DDX20: variants seen among roughly 807,000 people sequenced by gnomAD.
The protein encoded by DDX20 is DEAD-box helicase 20, also known as probable ATP-dependent RNA helicase DDX20.
Under a neutral mutation model 76.4 loss-of-function variants are expected in DDX20, and 61 were observed. The observed-to-expected ratio is 0.80, with a 90% CI of 0.65 to 0.99. The LOEUF (loss-of-function observed/expected upper bound fraction) is 0.99. Among genes scored for constraint, DDX20 ranks in the 50% least tolerant of loss-of-function variants. DDX20 has a pLI of 0.00. For synonymous variants in DDX20, 357 were observed against 357.4 expected (o/e 1.00, Z 0.01); for missense variants, 976 against 996.8 (o/e 0.98, Z 0.28).
rs192633992 is a variant in DDX20 at position 111,764,087 on chromosome 1, G to A, written c.1312+1080G>A. 7.0e-4 allele frequency among the ~76,000 whole-genome samples: 107 copies of A among 152,158 alleles called. No individual in the cohort carries two copies. In the East Asian group the frequency reaches 0.013, roughly 18 times the overall value. ...GAGGTCAGGAGATCAAGACCATCCT[G>A]GCTAACACAGTGAAACCCTGTCTCT... On this transcript the variant is annotated intron_variant, in intron 10 of 10. Coordinates refer to ENST00000369702, the MANE Select transcript of DDX20 (RefSeq NM_007204.5).
chr1:111,759,973 CAAAAAAAA>C (rs754870294), intron 3 of DDX20, among the ~76,000 whole-genome samples: 6 of 57,618 alleles, frequency 1.0e-4, no homozygotes, highest in African/African-American at 2.9e-4. Context: ...GACTCCATCT[CAAAAAAAA>C]AAAAAAAAAA....
chr1:111,763,309 C>T (rs1355493029), intron 10 of DDX20, among the ~76,000 whole-genome samples: 6 of 152,186 alleles, frequency 3.9e-5, no homozygotes, highest in African/African-American at 7.2e-5. Context: ...CAGTGGCTCA[C>T]GCCTGTAATC....
intron 9 of DDX20, 54 bp downstream of exon 9, chr1:111,762,836 T>C: frequency 3.9e-6 from 6 of 1,522,922 alleles, no homozygotes; most frequent in Non-Finnish European, 5.4e-6. Context: ...GGATCTATAA[T>C]GTGACAGGTG....
chr1:111,757,862 T>A (rs1385180681), intron 2 of DDX20, among the ~76,000 whole-genome samples: 1 of 150,980 alleles, frequency 6.6e-6, no homozygotes, highest in Non-Finnish European at 1.5e-5. Context: ...TTTCATCAAC[T>A]CATTTTTTTT....
At chr1:111,762,386 C>G in intron 8 of DDX20, 49 bp downstream of exon 8, 2 of 1,385,536 alleles carry the variant, frequency 1.4e-6, no homozygotes, top group Non-Finnish European at 2.0e-6. Flanking sequence ...GACATATGTT[C>G]TATTATCAGA....
At chr1:111,761,322 C>T (rs780089132) in intron 7 of DDX20, 38 bp downstream of exon 7, 18 of 1,572,204 alleles carry the variant, frequency 1.1e-5, no homozygotes, top group South Asian at 1.0e-4. Context: ...ATTTAGTATA[C>T]TGACTTGAAG....
chr1:111,757,595 CT>C (rs1663587793), intron 2 of DDX20, among the ~76,000 whole-genome samples: 2 of 152,292 alleles, frequency 1.3e-5, no homozygotes, highest in South Asian at 4.1e-4. Flanking sequence ...TTATGGCAGA[CT>C]GTATTTCAAG....
rs769569767 is a variant in DDX20 at position 111,766,579 on chromosome 1, A to C, written c.2155A>C (p.Met719Leu). The stretch of plus-strand genomic sequence containing the variant: ...ATATCAAGAATCACCTGGAATCCAG[A>C]TGAAGACAAGACTTAAAGAGGGGGC... ...EKYQESPGIQ[M>L]KTRLKEGASQ... Residue 719 changes from methionine to leucine, a missense_variant, in exon 11 of 11, where the codon ATG becomes CTG. By Grantham distance (15) the Met-to-Leu change is conservative. Transcript: ENST00000369702. 1.9e-6 allele frequency: 3 copies of C among 1,614,208 alleles called. No homozygotes were observed. In the South Asian group the frequency reaches 3.3e-5, roughly 18 times the overall value.
Position 111,756,751 on chromosome 1 carries a change from T to C in DDX20, c.396+11T>C, listed in dbSNP as rs757838689. ...AACTTAAGTACCCAGGTGAGTTAGC[T>C]GAGAGGACCAGAGGAGGATGTGTTT... is the stretch of plus-strand genomic sequence containing the variant. On this transcript the variant is annotated intron_variant, in intron 2 of 10. Transcript: ENST00000369702. The C allele has an allele frequency of 4.4e-6, 7 of 1,605,232 alleles. No individual in the cohort carries two copies. The Admixed American group carries it at 1.2e-4, about 27-fold the overall frequency.
In DDX20 at chr1:111,766,002, CAT is replaced by C. The variant is rs772596538; in HGVS notation, c.1580_1581del (p.Ile527ArgfsTer12). 1.2e-6 allele frequency: 2 copies of C among 1,614,096 alleles called. No homozygotes were observed. Among genetic ancestry groups the C allele is most frequent in the Non-Finnish European group, 1.7e-6 (2 of 1,180,006 alleles). ...PVKSHSECGIIEKATSPKELG... is the reference protein window; with the variant it reads ...PVKSHSECGIXEKATSPKELG... ...TGAAAAGCCACTCAGAATGTGGAAT[CAT>C]AGAAAAAGCAACGTCACCAAAAGAA... On this transcript the variant is annotated frameshift_variant, in exon 11 of 11. Transcript: ENST00000369702. LOFTEE classifies it high-confidence loss of function.
Position 111,766,556 on chromosome 1 carries a change from A to G in DDX20, c.2132A>G (p.Tyr711Cys). Reference sequence around the variant, plus strand: ...AGTGACACCCCCAATCCAGAGAAATATCAAGAATCACCTGGAATCCAGATG... The same window carrying G: ...AGTGACACCCCCAATCCAGAGAAATGTCAAGAATCACCTGGAATCCAGATG... ...NGSDTPNPEKYQESPGIQMKT... is the reference protein window; with the variant it reads ...NGSDTPNPEKCQESPGIQMKT... The change falls in exon 11 of 11, where the codon TAT becomes TGT. Residue 711 changes from tyrosine to cysteine, a missense_variant. This residue lies in a region of DDX20 where 630 missense variants were observed against 693.7 expected (regional missense o/e 0.91). Transcript: ENST00000369702. The G allele has an allele frequency of 6.2e-7, 1 of 1,614,232 alleles. No individual in the cohort carries two copies. The highest frequency in any genetic ancestry group is 8.5e-7 in the Non-Finnish European group (1 of 1,180,020).
At position 111,766,116 on chromosome 1, in the gene DDX20, C is replaced by T; in HGVS notation, c.1692C>T (p.Val564=). 1 of 1,614,162 alleles carries T rather than the reference C, an allele frequency of 6.2e-7. No homozygotes were observed. The part of the protein sequence containing the change: ...VENSTNSQHQ[V]KEALPVSLPQ... ...ACTCCACCAACAGTCAGCACCAGGT[C>T]AAAGAAGCTTTACCTGTGTCACTCC... is the stretch of plus-strand genomic sequence containing the variant. The change falls in exon 11 of 11, where the codon GTC becomes GTT. Residue 564 remains valine (V), a synonymous_variant. Transcript: ENST00000369702.
At chr1:111,756,268 G>C in intron 1 of DDX20, 43 bp downstream of exon 1, 183 of 738,794 alleles carry the variant, frequency 2.5e-4, no homozygotes, top group Non-Finnish European at 3.4e-4. Flanking sequence ...TGGGGTGGGA[G>C]AAGGGGGACC....
At chr1:111,759,741 G>A (rs540450832) in intron 3 of DDX20, among the ~76,000 whole-genome samples, 173 bp downstream of exon 3, 6 of 152,054 alleles carry the variant, frequency 3.9e-5, no homozygotes, top group African/African-American at 9.6e-5. Flanking sequence ...TTGGGAGGCC[G>A]AGGCGGGCGG....
Position 111,759,629 on chromosome 1 carries a change from A to G in DDX20, c.565+61A>G, listed in dbSNP as rs1006803399. The G allele has an allele frequency of 4.1e-5, 59 of 1,442,816 alleles. No homozygotes were observed. In the African/African-American group the frequency reaches 8.3e-4, roughly 20 times the overall value. 89.4% of individuals were successfully genotyped at this position (1,442,816 alleles called of 1,614,324 possible). A position where few individuals can be genotyped will look rare whatever the true frequency, so the allele number is the denominator to read the frequency against. ...TAAGGAACTACACACTTTTAATATA[A>G]CAATAAAGATATATGGGAGTCTTTG... is the stretch of plus-strand genomic sequence containing the variant. On this transcript the variant is annotated intron_variant, in intron 3 of 10. Coordinates refer to ENST00000369702, the MANE Select transcript of DDX20 (RefSeq NM_007204.5).
chr1:111,762,332 G>T lies in DDX20; in HGVS notation c.1099G>T (p.Asp367Tyr). The T allele has an allele frequency of 1.2e-6, 2 of 1,612,806 alleles. No individual in the cohort carries two copies. The highest frequency in any genetic ancestry group is 1.1e-5 in the South Asian group (1 of 90,870). Reference protein sequence around the residue: ...HFHCRVLISTDLTSRGIDAEK... With the variant: ...HFHCRVLISTYLTSRGIDAEK... ...TCATTGCAGAGTCCTCATTTCCACAGATTTGGTAAATTTCCTATTCAGTTT... is the reference window on the plus strand; with the variant it reads ...TCATTGCAGAGTCCTCATTTCCACATATTTGGTAAATTTCCTATTCAGTTT... Residue 367 changes from aspartate to tyrosine, a missense_variant, in exon 8 of 11, where the codon GAT becomes TAT. This residue lies in a region of DDX20 where 630 missense variants were observed against 693.7 expected (regional missense o/e 0.91). Transcript: ENST00000369702.
chr1:111,761,092 A>G lies in DDX20; in HGVS notation c.929A>G (p.Asn310Ser), dbSNP rs1160290329. ...GAACTGTTCAGCAGAATTCCATTTA[A>G]TCAAGCTTTAGTCTTTTCTAATTTG... The part of the protein sequence containing the change: ...LQELFSRIPF[N>S]QALVFSNLHS... Residue 310 changes from asparagine (N) to serine (S), a missense_variant, in exon 6 of 11, where the codon AAT (asparagine) becomes AGT (serine). By Grantham distance (46) the Asn-to-Ser change is conservative (BLOSUM62 1). Coordinates refer to ENST00000369702, the MANE Select transcript of DDX20 (RefSeq NM_007204.5). 1.2e-6 allele frequency: 2 copies of G among 1,613,858 alleles called. No homozygotes were observed. Among genetic ancestry groups the G allele is most frequent in the Non-Finnish European group, 1.7e-6 (2 of 1,179,892 alleles).
intron 2 of DDX20, among the ~76,000 whole-genome samples, chr1:111,757,086 C>T (rs942229631): frequency 4.6e-5 from 7 of 150,910 alleles, no homozygotes; most frequent in Non-Finnish European, 7.4e-5. Context: ...GACGGTGTCG[C>T]TTTGTCACCT....
intron 1 of DDX20, 45 bp downstream of exon 1, chr1:111,756,270 A>AAG: frequency 1.7e-6 from 1 of 592,626 alleles, no homozygotes; most frequent in Non-Finnish European, 2.4e-6. Context: ...GGGTGGGAGA[A>AAG]GGGGGACCGA....
Sources: allele counts gnomAD v4.1 joint callset (sites outside exome capture counted in the v4.1 genomes callset), GRCh38; gene constraint gnomAD v4.1.1; regional missense constraint gnomAD v4.1.1; transcripts MANE v1.5; gene names NCBI Gene and HGNC (gene_info 2026-07-23, HGNC 2026-07-21).